CCK: variants seen among roughly 807,000 people sequenced by gnomAD.
CCK encodes the protein cholecystokinin triacontatriapeptide.
A neutral mutation model predicts 10.1 loss-of-function variants in CCK; 11 were observed. The ratio of observed to expected loss-of-function variants is 1.09; its 90% confidence interval spans 0.69 to 1.81. CCK has a LOEUF of 1.81. CCK is among the 40% of genes most tolerant of loss of function. CCK has a pLI of 0.00. For missense variants in CCK, 137 were observed against 159.9 expected (o/e 0.86, Z 0.77); for synonymous variants, 83 against 71.9 (o/e 1.15, Z -0.78).
intron 4 of CCK, 53 bp downstream of exon 4, chr3:42,263,364 C>A: frequency 6.2e-7 from 1 of 1,613,686 alleles, no homozygotes; most frequent in East Asian, 2.2e-5. Flanking sequence ...GGGTCAGCAT[C>A]GGGAGCCTGG....
At chr3:42,262,125 A>C (rs972823552) in intron 4 of CCK, among the ~76,000 whole-genome samples, 2 of 151,964 alleles carry the variant, frequency 1.3e-5, no homozygotes, top group Non-Finnish European at 2.9e-5. Flanking sequence ...GTTAAGGTTC[A>C]AATCCAGGCC....
chr3:42,258,058 G>A lies in CCK; in HGVS notation c.*40C>T, dbSNP rs762209763. The A allele has an allele frequency of 6.3e-7, 1 of 1,587,192 alleles. No homozygotes were observed. Among genetic ancestry groups the A allele is most frequent in the Non-Finnish European group, 8.6e-7 (1 of 1,167,180 alleles). On this transcript the variant is annotated 3_prime_UTR_variant, in exon 5 of 5. Coordinates refer to ENST00000396169, the MANE Select transcript of CCK (RefSeq NM_000729.6). ...TTTCTTATTCTGCCTCCTCTGGGTT[G>A]GGAGGTTGCTTCCCGTTGGGCTGAT...
At chr3:42,265,233 C>T (rs1261062380) in intron 2 of CCK, 36 bp downstream of exon 2, 1 of 152,448 alleles carries the variant, frequency 6.6e-6, no homozygotes, top group Non-Finnish European at 1.5e-5. Context: ...GCGTCGGCCC[C>T]CTACCCCGGA....
Position 42,258,204 on chromosome 3 carries a change from T to C in CCK, c.242A>G (p.Lys81Arg), listed in dbSNP as rs751621045. 1.2e-6 allele frequency: 2 copies of C among 1,614,132 alleles called. No homozygotes were observed. The highest frequency in any genetic ancestry group is 1.7e-6 in the Non-Finnish European group (2 of 1,180,030). ...KAPSGRMSIV[K>R]NLQNLDPSHR... ...GCTGGGGTCCAGGTTCTGCAGGTTC[T>C]TAACGATGGACATTCGTCCAGAAGG... is the stretch of plus-strand genomic sequence containing the variant. The change falls in exon 5 of 5, where the codon AAG (lysine) becomes AGG (arginine). Residue 81 changes from lysine to arginine, a missense_variant. Physicochemically the swap from Lys to Arg is conservative, Grantham distance 26. Transcript: ENST00000396169.
At chr3:42,261,371 T>C in intron 4 of CCK, among the ~76,000 whole-genome samples, 1 of 152,212 alleles carries the variant, frequency 6.6e-6, no homozygotes, top group East Asian at 1.9e-4. Flanking sequence ...TATTTAGTCC[T>C]AGTTCATGTT....
intron 4 of CCK, 71 bp downstream of exon 4, chr3:42,263,346 A>G: frequency 6.2e-7 from 1 of 1,609,574 alleles, no homozygotes; most frequent in South Asian, 1.1e-5. Context: ...GGCTAGCGCT[A>G]GAGAAGAGGG....
In CCK at chr3:42,258,367, A is replaced by C. The variant is rs1711167596; in HGVS notation, c.215-136T>G. The C allele has an allele frequency of 3.2e-6, 3 of 950,990 alleles. No individual in the cohort carries two copies. The South Asian group carries it at 5.3e-5, about 17-fold the overall frequency. 58.9% of individuals were successfully genotyped at this position (950,990 alleles called of 1,614,324 possible). A position where few individuals can be genotyped will look rare whatever the true frequency, so the allele number is the denominator to read the frequency against. On this transcript the variant is annotated intron_variant, in intron 4 of 4. Transcript: ENST00000396169. ...CCTTAAAGGTATCAAAGAGCTATCA[A>C]AGTAGTGGAACTGATGGACCAAAAT...
chr3:42,260,442 T>A (rs1711194990), intron 4 of CCK, among the ~76,000 whole-genome samples: 2 of 152,176 alleles, frequency 1.3e-5, no homozygotes, highest in African/African-American at 2.4e-5. Context: ...GCAAGCAGCC[T>A]CAGTTAACGG....
In CCK at chr3:42,263,638, G is replaced by A; in HGVS notation, c.-2-6C>T. ...GCACACGCCGCTGTTCATGGCTGTA[G>A]CGAGCAAAGGAGGAGGGCGCGTTAA... is the stretch of plus-strand genomic sequence containing the variant. On this transcript the variant is annotated splice_region_variant and splice_polypyrimidine_tract_variant and intron_variant, in intron 3 of 4. Transcript: ENST00000396169. The A allele has an allele frequency of 6.5e-7, 1 of 1,549,692 alleles. No homozygotes were observed. Among genetic ancestry groups the A allele is most frequent in the Non-Finnish European group, 8.7e-7 (1 of 1,147,668 alleles).
chr3:42,261,012 T>C (rs981814637), intron 4 of CCK, among the ~76,000 whole-genome samples: 2 of 152,146 alleles, frequency 1.3e-5, no homozygotes, highest in African/African-American at 4.8e-5. Flanking sequence ...GGTATAATAA[T>C]ATTCACTGTG....
intron 3 of CCK, 128 bp from the exon 4 acceptor site, chr3:42,263,760 A>G (rs1456013964): frequency 1.4e-6 from 2 of 1,403,996 alleles, no homozygotes; most frequent in Non-Finnish European, 1.9e-6. Flanking sequence ...GGCCGCCGCA[A>G]GCACGAGGGC....
In CCK at chr3:42,265,291, G is replaced by C. The variant is rs1165921072; in HGVS notation, c.-236C>G. The C allele has an allele frequency of 6.6e-6, 1 of 152,276 alleles. No individual in the cohort carries two copies. Among genetic ancestry groups the C allele is most frequent in the Non-Finnish European group, 1.5e-5 (1 of 68,128 alleles). 9.4% of individuals were successfully genotyped at this position (152,276 alleles called of 1,614,324 possible). A position where few individuals can be genotyped will look rare whatever the true frequency, so the allele number is the denominator to read the frequency against. On this transcript the variant is annotated 5_prime_UTR_variant, in exon 2 of 5. Transcript: ENST00000396169. ...TACCTGTGTCGGCTCTTTCGAAGGAGAGAGGAGGAGTCGGGGTCTTCACTT... is the reference window on the plus strand; with the variant it reads ...TACCTGTGTCGGCTCTTTCGAAGGACAGAGGAGGAGTCGGGGTCTTCACTT...
chr3:42,258,907 C>T (rs1360144053), intron 4 of CCK, among the ~76,000 whole-genome samples: 1 of 152,244 alleles, frequency 6.6e-6, no homozygotes, highest in East Asian at 1.9e-4. Flanking sequence ...TGCACATGTA[C>T]GTTTACTGCA....
intron 4 of CCK, 68 bp downstream of exon 4, chr3:42,263,349 G>A: frequency 1.2e-6 from 2 of 1,611,766 alleles, no homozygotes; most frequent in Non-Finnish European, 1.7e-6. Context: ...TAGCGCTAGA[G>A]AAGAGGGTCA....
At chr3:42,262,732 CA>C (rs533876732) in intron 4 of CCK, among the ~76,000 whole-genome samples, 34 of 141,720 alleles carry the variant, frequency 2.4e-4, no homozygotes, top group African/African-American at 8.6e-4. Flanking sequence ...AGCCTCAGGT[CA>C]GAATTGCCTG....
intron 2 of CCK, 151 bp downstream of exon 2, chr3:42,265,118 C>T (rs541304480): frequency 8.4e-4 from 107 of 127,638 alleles, no homozygotes; most frequent in African/African-American, 3.0e-3. Flanking sequence ...TAGCTTAGTT[C>T]GCTTTGGGGA....
At chr3:42,263,988 A>C (rs1711253828) in intron 3 of CCK, 1 of 222,418 alleles carries the variant, frequency 4.5e-6, no homozygotes, top group Non-Finnish European at 8.7e-6. Context: ...ACGAGATTAA[A>C]AATAGTGTGA....
At chr3:42,263,841 C>A in intron 3 of CCK, 1 of 686,418 alleles carries the variant, frequency 1.5e-6, no homozygotes, top group Non-Finnish European at 2.2e-6. Flanking sequence ...TCTTTGGGAA[C>A]TCCTCACCCA....
rs753940802 is a variant in CCK, at chr3:42,263,381, G to C, written c.214+36C>G. On this transcript the variant is annotated intron_variant, in intron 4 of 4. Transcript: ENST00000396169. ...GTCAGCATCGGGAGCCTGGGAACAAGGGCAGAAGTGAGGGATGGGGAGGCA... is the reference window on the plus strand; with the variant it reads ...GTCAGCATCGGGAGCCTGGGAACAACGGCAGAAGTGAGGGATGGGGAGGCA... 3.1e-6 allele frequency: 5 copies of C among 1,613,976 alleles called. No individual in the cohort carries two copies. In the East Asian group the frequency reaches 6.7e-5, roughly 22 times the overall value.
Sources: allele counts gnomAD v4.1 joint callset (sites outside exome capture counted in the v4.1 genomes callset), GRCh38; gene constraint gnomAD v4.1.1; transcripts MANE v1.5; gene names NCBI Gene and HGNC (gene_info 2026-07-23, HGNC 2026-07-21).